STX11: variants seen among roughly 807,000 people sequenced by gnomAD.
The protein encoded by STX11 is syntaxin 11.
Under a neutral mutation model 19.9 loss-of-function variants are expected in STX11, and 21 were observed. The observed-to-expected ratio is 1.06, with a 90% CI of 0.75 to 1.52. STX11 has a LOEUF of 1.52. STX11 is among the 40% of genes most tolerant of loss of function. The probability of loss-of-function intolerance (pLI) is 0.00; values close to 1 mark genes in which losing one functional copy is unlikely to be tolerated. For missense variants in STX11, 438 were observed against 405.9 expected, an observed-to-expected ratio of 1.08 and a Z score of -0.68; for synonymous variants, 193 against 174.4, an observed-to-expected ratio of 1.11 and a Z score of -0.84.
In STX11 at chr6:144,150,551, C is replaced by G. The variant is rs1041520377; in HGVS notation, c.-158C>G. On this transcript the variant is annotated 5_prime_UTR_variant, in exon 1 of 2. Transcript: ENST00000367568. ...CGCGGCGGCGCGGAGCTCGGGCGGC[C>G]GTGGAGGAACTCAGCCTCGGCCGCA... The G allele has an allele frequency of 2.2e-5, 22 of 985,342 alleles. No homozygotes were observed. The highest frequency in any genetic ancestry group is 2.5e-5 in the Non-Finnish European group (21 of 829,992). 61.0% of individuals were successfully genotyped at this position (985,342 alleles called of 1,614,324 possible).
intron 1 of STX11, among the ~76,000 whole-genome samples, chr6:144,166,201 A>G (rs1217886899): frequency 2.0e-5 from 3 of 152,214 alleles, no homozygotes; most frequent in African/African-American, 7.2e-5. Flanking sequence ...GGTGGGGGTG[A>G]GGGGAATACA....
rs142641872 is a variant in STX11 at position 144,167,892 on chromosome 6, A to T, written c.-6+17189A>T. On this transcript the variant is annotated intron_variant, in intron 1 of 1. Coordinates refer to ENST00000367568, the MANE Select transcript of STX11 (RefSeq NM_003764.4). This position sits in a 1 kb window ranked among gnomAD's most constrained non-coding sequence, Gnocchi z 5.0. Reference sequence around the variant, plus strand: ...TGCCTAAGCCTCCCAAAGTGCTAGGATTACAGGTGTGAACCACCATGCCTC... The same window carrying T: ...TGCCTAAGCCTCCCAAAGTGCTAGGTTTACAGGTGTGAACCACCATGCCTC... 1.9e-3 allele frequency among the ~76,000 whole-genome samples: 284 copies of T among 152,334 alleles called. 8 individuals carry two copies. Among genetic ancestry groups the T allele is most frequent in the Admixed American group, 0.017 (264 of 15,288 alleles).
chr6:144,165,411 C>T lies in STX11; in HGVS notation c.-6+14708C>T, dbSNP rs1301964551. On this transcript the variant is annotated intron_variant, in intron 1 of 1. Transcript: ENST00000367568. This position sits in a 1 kb window ranked among gnomAD's most constrained non-coding sequence, Gnocchi z 5.8. ...CGGAGGTTGCGGTGAGCAGAGATCG[C>T]GCCATTGCACTCCAGCCTGGGCAAC... Among the ~76,000 whole-genome samples the T allele has an allele frequency of 6.6e-6, 1 of 151,546 alleles. No individual in the cohort carries two copies. Among genetic ancestry groups the T allele is most frequent in the Admixed American group, 6.6e-5 (1 of 15,226 alleles).
In STX11 at chr6:144,162,352, C is replaced by A. The variant is rs73778545; in HGVS notation, c.-6+11649C>A. Among the ~76,000 whole-genome samples, 724 of 152,312 alleles carry A rather than the reference C, an allele frequency of 4.8e-3. 6 individuals carry two copies. The highest frequency in any genetic ancestry group is 0.017 in the African/African-American group (686 of 41,548). On this transcript the variant is annotated intron_variant, in intron 1 of 1. Transcript: ENST00000367568. This position sits in a 1 kb window ranked among gnomAD's most constrained non-coding sequence, Gnocchi z 4.6. ...TTCTTAAATCTACTAGACCAATTATCATTTATCCATTTGCTTCATAATTTC... is the reference window on the plus strand; with the variant it reads ...TTCTTAAATCTACTAGACCAATTATAATTTATCCATTTGCTTCATAATTTC...
rs371871614 is a variant in STX11, at chr6:144,160,608, C to T, written c.-6+9905C>T. 6.6e-6 allele frequency among the ~76,000 whole-genome samples: 1 copy of T among 152,130 alleles called. No homozygotes were observed. The highest frequency in any genetic ancestry group is 1.5e-5 in the Non-Finnish European group (1 of 68,024). ...TGCATATTTAACCTATGAACCTCTA[C>T]ATTAAGTACTAAGAATACCAAACAT... is the stretch of plus-strand genomic sequence containing the variant. On this transcript the variant is annotated intron_variant, in intron 1 of 1. Coordinates refer to ENST00000367568, the MANE Select transcript of STX11 (RefSeq NM_003764.4). The surrounding 1 kb of genome is among the most constrained non-coding windows in gnomAD (Gnocchi z 4.3).
rs908605091 is a variant in STX11 at position 144,159,087 on chromosome 6, G to C, written c.-6+8384G>C. 6.6e-6 allele frequency among the ~76,000 whole-genome samples: 1 copy of C among 152,066 alleles called. No individual in the cohort carries two copies. Among genetic ancestry groups the C allele is most frequent in the Admixed American group, 6.5e-5 (1 of 15,272 alleles). ...CTAACAGCCTGTAAGAGCAAGAACA[G>C]TCTTTTTCATTTTTGTGTATGAGAG... On this transcript the variant is annotated intron_variant, in intron 1 of 1. Coordinates refer to ENST00000367568, the MANE Select transcript of STX11 (RefSeq NM_003764.4). The surrounding 1 kb of genome is among the most constrained non-coding windows in gnomAD (Gnocchi z 4.3).
the STX11 span, among the ~76,000 whole-genome samples, chr6:144,140,235 TATATATATATATATATATA>T: frequency 2.0e-5 from 1 of 50,904 alleles, no homozygotes; most frequent in South Asian, 5.0e-4. Flanking sequence ...TATATATATA[TATATATATATATATATATA>T]TTTATTTATT....
In STX11 at chr6:144,161,267, A is replaced by G. The variant is rs570005493; in HGVS notation, c.-6+10564A>G. Among the ~76,000 whole-genome samples, 3 of 152,360 alleles carry G rather than the reference A, an allele frequency of 2.0e-5. No individual in the cohort carries two copies. In the East Asian group the frequency reaches 5.8e-4, roughly 29 times the overall value. Reference sequence around the variant, plus strand: ...GTTAGAGGATGAAACGTATTCCTTAAGGAATCAAAATTATAATAGTGTCAC... The same window carrying G: ...GTTAGAGGATGAAACGTATTCCTTAGGGAATCAAAATTATAATAGTGTCAC... On this transcript the variant is annotated intron_variant, in intron 1 of 1. Coordinates refer to ENST00000367568, the MANE Select transcript of STX11 (RefSeq NM_003764.4).
In STX11 at chr6:144,167,530, C is replaced by CA. The variant is rs1344890963; in HGVS notation, c.-6+16829dup. Among the ~76,000 whole-genome samples, 3 of 152,230 alleles carry CA rather than the reference C, an allele frequency of 2.0e-5. No homozygotes were observed. The highest frequency in any genetic ancestry group is 7.2e-5 in the African/African-American group (3 of 41,470). On this transcript the variant is annotated intron_variant, in intron 1 of 1. Transcript: ENST00000367568. The surrounding 1 kb of genome is among the most constrained non-coding windows in gnomAD (Gnocchi z 5.0). ...TCACTATCTCAGGCACCCACGTGGA[C>CA]AATCTGTGCTTGCTTGGTATCACCA...
upstream of STX11, among the ~76,000 whole-genome samples, chr6:144,148,166 G>A (rs1800911462): frequency 6.6e-6 from 1 of 152,156 alleles, no homozygotes; most frequent in African/African-American, 2.4e-5. Context: ...AATGTAAAAT[G>A]TAAAGACTAT....
chr6:144,141,915 C>G, the STX11 span, among the ~76,000 whole-genome samples: 42 of 152,136 alleles, frequency 2.8e-4, no homozygotes, highest in African/African-American at 9.9e-4. Context: ...CTTCTGGGCT[C>G]AAGCACTCTG....
At chr6:144,179,868 G>A (rs549639850) in intron 1 of STX11, among the ~76,000 whole-genome samples, 2 of 152,312 alleles carry the variant, frequency 1.3e-5, no homozygotes, top group East Asian at 3.9e-4. Flanking sequence ...GGACATAGGA[G>A]GTATGTCATA....
In STX11 at chr6:144,187,610, T is replaced by G; in HGVS notation, c.*119T>G. On this transcript the variant is annotated 3_prime_UTR_variant, in exon 2 of 2. Transcript: ENST00000367568. This position sits in a 1 kb window ranked among gnomAD's most constrained non-coding sequence, Gnocchi z 5.6. ...CCCCAACCCTTTCCGGAACTCAGTC[T>G]TTAGAAAAGAAACGCCAGGTTCAAG... 7.2e-7 allele frequency: 1 copy of G among 1,384,848 alleles called. No individual in the cohort carries two copies. The highest frequency in any genetic ancestry group is 9.9e-7 in the Non-Finnish European group (1 of 1,008,394). The allele number at this position is 1,384,848 out of a possible 1,614,324, so 85.8% of individuals were successfully genotyped here.
intron 1 of STX11, among the ~76,000 whole-genome samples, chr6:144,164,350 A>G (rs1381893211): frequency 1.3e-5 from 2 of 152,242 alleles, no homozygotes; most frequent in Non-Finnish European, 2.9e-5. Flanking sequence ...ATCAAATGAT[A>G]AAGAATACTC....
Position 144,172,893 on chromosome 6 carries a change from AAAAG to A in STX11, c.-5-13728_-5-13725del, listed in dbSNP as rs1211617567. 6.6e-6 allele frequency among the ~76,000 whole-genome samples: 1 copy of A among 152,162 alleles called. No homozygotes were observed. Among genetic ancestry groups the A allele is most frequent in the Non-Finnish European group, 1.5e-5 (1 of 68,038 alleles). Reference sequence around the variant, plus strand: ...AAGTAGACACCCCATTTAAAAAAAAAAAAGAGCCATTAACAGGATACATATGACA... The same window carrying A: ...AAGTAGACACCCCATTTAAAAAAAAAAGCCATTAACAGGATACATATGACA... On this transcript the variant is annotated intron_variant, in intron 1 of 1. Transcript: ENST00000367568. The surrounding 1 kb of genome is among the most constrained non-coding windows in gnomAD (Gnocchi z 4.2).
chr6:144,161,146 G>A (rs1010894593), intron 1 of STX11, among the ~76,000 whole-genome samples: 2 of 152,114 alleles, frequency 1.3e-5, no homozygotes, highest in Non-Finnish European at 2.9e-5. Context: ...AACTGTAAAT[G>A]AGCTCCATTT....
At position 144,162,365 on chromosome 6, in the gene STX11, G is replaced by T. The variant is rs116357012; in HGVS notation, c.-6+11662G>T. 0.015 allele frequency among the ~76,000 whole-genome samples: 2,357 copies of T among 152,236 alleles called. 75 individuals carry two copies. The highest frequency in any genetic ancestry group is 0.054 in the African/African-American group (2,252 of 41,528). Reference sequence around the variant, plus strand: ...TAGACCAATTATCATTTATCCATTTGCTTCATAATTTCCAACATTGTGTTG... The same window carrying T: ...TAGACCAATTATCATTTATCCATTTTCTTCATAATTTCCAACATTGTGTTG... On this transcript the variant is annotated intron_variant, in intron 1 of 1. Coordinates refer to ENST00000367568, the MANE Select transcript of STX11 (RefSeq NM_003764.4). This position sits in a 1 kb window ranked among gnomAD's most constrained non-coding sequence, Gnocchi z 4.6.
Position 144,187,450 on chromosome 6 carries a change from T to G in STX11, c.823T>G (p.Cys275Gly). The G allele has an allele frequency of 6.2e-7, 1 of 1,612,416 alleles. No individual in the cohort carries two copies. Among genetic ancestry groups the G allele is most frequent in the Non-Finnish European group, 8.5e-7 (1 of 1,179,966 alleles). The change falls in exon 2 of 2, where the codon TGC (cysteine) becomes GGC (glycine). Residue 275 changes from cysteine to glycine, a missense_variant. Cys to Gly is a radical substitution (Grantham distance 159, BLOSUM62 -3). Transcript: ENST00000367568. This position sits in a 1 kb window ranked among gnomAD's most constrained non-coding sequence, Gnocchi z 5.6. ...CGTGCAGTACGAGGAGAAGAACCCC[T>G]GCCGGACCCTCTGCTGCTTCTGCTG... The part of the protein sequence containing the change: ...KAVQYEEKNP[C>G]RTLCCFCCPC...
the STX11 span, among the ~76,000 whole-genome samples, chr6:144,143,327 T>C: frequency 5.7e-3 from 873 of 152,326 alleles, 11 homozygotes; most frequent in African/African-American, 0.02. Context: ...CTCTAGCTAC[T>C]AATTAAGAAG....
Sources: gnomAD v4.1 joint callset for allele counts (sites outside exome capture counted in the v4.1 genomes callset) on GRCh38, gnomAD v4.1.1 for gene constraint, Gnocchi (gnomAD v3.1) non-coding constraint, MANE v1.5 for transcripts, NCBI Gene and HGNC (gene_info 2026-07-23, HGNC 2026-07-21) for gene names.